ADGRL2: variants seen among roughly 807,000 people sequenced by gnomAD.
The protein encoded by ADGRL2 is adhesion G protein-coupled receptor L2.
ADGRL2 carries 44 observed loss-of-function variants against 157.4 expected under a neutral mutation model. That is an observed-to-expected ratio of 0.28 (90% CI 0.22 to 0.36). ADGRL2 has a LOEUF of 0.36. Among genes scored for constraint, ADGRL2 ranks in the 10% least tolerant of loss-of-function variants. ADGRL2 has a pLI of 1.00. For synonymous variants in ADGRL2, 585 were observed against 624.7 expected, an observed-to-expected ratio of 0.94 and a Z score of 0.95; for missense variants, 1,510 against 1,768.9, an observed-to-expected ratio of 0.85 and a Z score of 2.63.
chr1:81,390,754 A>G (rs540853442), intron 1 of ADGRL2, among the ~76,000 whole-genome samples: 41 of 152,408 alleles, frequency 2.7e-4, no homozygotes, highest in African/African-American at 7.7e-4. Context: ...TTGATCTACC[A>G]TCTTCTTTTT....
At position 81,417,264 on chromosome 1, in the gene ADGRL2, C is replaced by T. The variant is rs181102791; in HGVS notation, c.-301-27772C>T. On this transcript the variant is annotated intron_variant, in intron 1 of 24. Transcript: ENST00000370721. Reference sequence around the variant, plus strand: ...TTTCTTTAAAAACTCACATTTTAATCATAAGAAAAATACTTTAATTGCTAT... The same window carrying T: ...TTTCTTTAAAAACTCACATTTTAATTATAAGAAAAATACTTTAATTGCTAT... Among the ~76,000 whole-genome samples the T allele has an allele frequency of 4.3e-3, 649 of 152,122 alleles. 3 individuals are homozygous for T. The highest frequency in any genetic ancestry group is 0.015 in the African/African-American group (628 of 41,504).
intron 1 of ADGRL2, among the ~76,000 whole-genome samples, chr1:81,403,235 T>A (rs2076788920): frequency 7.7e-5 from 3 of 39,170 alleles, no homozygotes. Context: ...CTTGTTTTTT[T>A]TTTGTTGTTG....
At chr1:81,319,581 C>G (rs1468695017) in intron 1 of ADGRL2, among the ~76,000 whole-genome samples, 2 of 152,076 alleles carry the variant, frequency 1.3e-5, no homozygotes, top group African/African-American at 4.8e-5. Flanking sequence ...AGGCGGGGCT[C>G]AACAAATGTT....
chr1:81,643,459 T>C (rs1460349467), intron 3 of ADGRL2, among the ~76,000 whole-genome samples: 1 of 152,114 alleles, frequency 6.6e-6, no homozygotes, highest in East Asian at 1.9e-4. Flanking sequence ...ACTACAAGTA[T>C]GTGCCACCAT....
intron 2 of ADGRL2, among the ~76,000 whole-genome samples, chr1:81,565,624 A>G (rs1215538783): frequency 6.6e-6 from 1 of 152,124 alleles, no homozygotes; most frequent in East Asian, 1.9e-4. Flanking sequence ...ATTTTCCTTC[A>G]TTTCATGCTG....
intron 2 of ADGRL2, among the ~76,000 whole-genome samples, chr1:81,520,578 A>T (rs12067610): frequency 0.033 from 5,029 of 152,204 alleles, 132 homozygotes; most frequent in African/African-American, 0.07. Flanking sequence ...ATAGTGAGTG[A>T]GTTCTCATGA....
intron 2 of ADGRL2, among the ~76,000 whole-genome samples, chr1:81,513,432 G>A (rs2079115172): frequency 6.6e-6 from 1 of 152,112 alleles, no homozygotes; most frequent in South Asian, 2.1e-4. Flanking sequence ...GAATAAAGGA[G>A]GAGAGAAAGT....
intron 3 of ADGRL2, among the ~76,000 whole-genome samples, chr1:81,918,521 A>G (rs1391576599): frequency 6.6e-6 from 1 of 152,176 alleles, no homozygotes. Flanking sequence ...ACTTAAAATT[A>G]CCAATGTACC....
At chr1:81,784,699 G>A (rs1393533482) in intron 2 of ADGRL2, among the ~76,000 whole-genome samples, 4 of 141,240 alleles carry the variant, frequency 2.8e-5, no homozygotes, top group African/African-American at 5.3e-5. Context: ...TTGCACTCCA[G>A]CCTGGGCGAC....
chr1:81,758,208 A>G (rs1410530449), intron 1 of ADGRL2, among the ~76,000 whole-genome samples: 1 of 152,154 alleles, frequency 6.6e-6, no homozygotes, highest in African/African-American at 2.4e-5. Context: ...TTGAGCAATT[A>G]TTATTTCTTA....
intron 3 of ADGRL2, among the ~76,000 whole-genome samples, chr1:81,590,079 A>G (rs766973541): frequency 6.6e-6 from 1 of 152,222 alleles, no homozygotes; most frequent in Non-Finnish European, 1.5e-5. Context: ...TCCAGTGTGC[A>G]GTTTTCTGAG....
At chr1:81,822,619 C>T (rs566951790) in intron 1 of ADGRL2, among the ~76,000 whole-genome samples, 6 of 151,992 alleles carry the variant, frequency 3.9e-5, no homozygotes, top group Non-Finnish European at 8.8e-5. Context: ...CTCTAGCTAT[C>T]CTCCCGCCTC....
At chr1:81,512,337 G>A (rs1312193580) in intron 2 of ADGRL2, among the ~76,000 whole-genome samples, 3 of 152,186 alleles carry the variant, frequency 2.0e-5, no homozygotes, top group Non-Finnish European at 4.4e-5. Flanking sequence ...GCTTAAAGAA[G>A]TGCAAAATCA....
rs1050334397 is a variant in ADGRL2 at position 81,378,144 on chromosome 1, A to G, written c.-301-66892A>G. ...CAGCGAGCCGAGATCGTGCCACTGC[A>G]CTCCATCTTGGCAATAGAGAGAGAC... On this transcript the variant is annotated intron_variant, in intron 1 of 24. Coordinates refer to the ADGRL2 transcript ENST00000370721. 1.8e-4 allele frequency among the ~76,000 whole-genome samples: 28 copies of G among 151,408 alleles called. No individual in the cohort carries two copies. The East Asian group carries it at 5.3e-3, about 29-fold the overall frequency.
Position 81,902,473 on chromosome 1 carries a change from C to A in ADGRL2, c.74-4544C>A, listed in dbSNP as rs554984541. 2.0e-5 allele frequency among the ~76,000 whole-genome samples: 3 copies of A among 152,158 alleles called. No individual in the cohort carries two copies. The East Asian group carries it at 5.8e-4, about 30-fold the overall frequency. ...ATTAGCCGGTCATGGTGGTGCGCAC[C>A]TGTGGTCCCATCTACTGGGGAGGCT... On this transcript the variant is annotated intron_variant, in intron 2 of 23. Coordinates refer to ENST00000686636, the MANE Select transcript of ADGRL2 (RefSeq NM_001366006.2).
At chr1:81,360,105 A>G (rs142163387) in intron 1 of ADGRL2, among the ~76,000 whole-genome samples, 1 of 152,138 alleles carries the variant, frequency 6.6e-6, no homozygotes, top group African/African-American at 2.4e-5. Flanking sequence ...TCAAGACTGT[A>G]CATGATCTAC....
intron 2 of ADGRL2, among the ~76,000 whole-genome samples, chr1:81,500,762 T>G (rs2078828351): frequency 6.6e-6 from 1 of 152,224 alleles, no homozygotes; most frequent in South Asian, 2.1e-4. Context: ...TACTGTAGAA[T>G]GTACTTAAGT....
chr1:81,822,564 G>A (rs1204307062), intron 1 of ADGRL2, among the ~76,000 whole-genome samples: 1 of 151,746 alleles, frequency 6.6e-6, no homozygotes, highest in Non-Finnish European at 1.5e-5. Flanking sequence ...CTAGGCTATA[G>A]TGCAGTGGTA....
At chr1:81,854,839 T>C (rs1359503046) in intron 2 of ADGRL2, among the ~76,000 whole-genome samples, 3 of 152,118 alleles carry the variant, frequency 2.0e-5, no homozygotes, top group Non-Finnish European at 4.4e-5. Context: ...TGGGGTGAAT[T>C]GCAAATAGGT....
Sources: allele counts gnomAD v4.1 joint callset (sites outside exome capture counted in the v4.1 genomes callset), GRCh38; gene constraint gnomAD v4.1.1; transcripts MANE v1.5; gene names NCBI Gene and HGNC (gene_info 2026-07-23, HGNC 2026-07-21).